Variants in SUSD4 observed in about 807,000 individuals in gnomAD.
SUSD4 encodes the protein sushi domain-containing protein 4.
In SUSD4, 41 loss-of-function variants were observed where a neutral mutation model predicts 50.5. The observed-to-expected ratio is 0.81, with a 90% CI of 0.63 to 1.05. The LOEUF (loss-of-function observed/expected upper bound fraction) is 1.05. SUSD4 is among the 50% of genes least tolerant of loss of function. The pLI is 0.00. For missense variants in SUSD4, 580 were observed against 634.7 expected, an observed-to-expected ratio of 0.91 and a Z score of 0.93; for synonymous variants, 257 against 257.3, an observed-to-expected ratio of 1.00 and a Z score of 0.01.
intron 5 of SUSD4, among the ~76,000 whole-genome samples, chr1:223,249,326 C>T (rs1661149428): frequency 6.6e-6 from 1 of 152,186 alleles, no homozygotes; most frequent in South Asian, 2.1e-4. Context: ...TCATTTCTGA[C>T]CCTCTCTGCA....
In SUSD4 at chr1:223,222,116, CCTT is replaced by C; in HGVS notation, c.*73_*75del. The C allele has an allele frequency of 6.6e-7, 1 of 1,518,230 alleles. No individual in the cohort carries two copies. Among genetic ancestry groups the C allele is most frequent in the Middle Eastern group, 1.7e-4 (1 of 5,802 alleles). The allele number at this position is 1,518,230 out of a possible 1,614,324, so 94.0% of individuals were successfully genotyped here. ...TAGACATTTTGCCCCCAGGCTCTAT[CCTT>C]CTGTGACCTCACTCCAAGATACAAG... On this transcript the variant is annotated 3_prime_UTR_variant, in exon 9 of 9. Transcript: ENST00000366878.
At position 223,264,660 on chromosome 1, in the gene SUSD4, A is replaced by G. The variant is rs1662357317; in HGVS notation, c.694T>C (p.Ser232Pro). ...AGAGCAAGGCACCGGGGTGGGCTGG[A>G]CGACCAGATAAGGTTTTGTAAGCAC... The part of the protein sequence containing the change: ...LECLQNLIWS[S>P]SPPRCLALEV... The change falls in exon 5 of 9, where the codon TCC becomes CCC. Residue 232 changes from serine (S) to proline (P), a missense_variant. Ser to Pro is a moderately conservative substitution (Grantham distance 74). Transcript: ENST00000366878. 1 of 1,614,212 alleles carries G rather than the reference A, an allele frequency of 6.2e-7. No homozygotes were observed. Among genetic ancestry groups the G allele is most frequent in the Non-Finnish European group, 8.5e-7 (1 of 1,180,038 alleles).
chr1:223,234,888 A>G, intron 5 of SUSD4: 2 of 1,506,298 alleles, frequency 1.3e-6, no homozygotes, highest in Non-Finnish European at 1.8e-6. Flanking sequence ...ATCATGGTGA[A>G]ATACAGTATA....
At position 223,229,754 on chromosome 1, in the gene SUSD4, AC is replaced by A. The variant is rs1304172148; in HGVS notation, c.725-367del. Among the ~76,000 whole-genome samples, 1 of 152,260 alleles carries A rather than the reference AC, an allele frequency of 6.6e-6. No individual in the cohort carries two copies. The highest frequency in any genetic ancestry group is 6.5e-5 in the Admixed American group (1 of 15,288). On this transcript the variant is annotated intron_variant, in intron 5 of 8. Transcript: ENST00000366878. The surrounding 1 kb of genome is among the most constrained non-coding windows in gnomAD (Gnocchi z 4.7). Reference sequence around the variant, plus strand: ...GTAAATAAAATTAACATATTTCTGTACAAAATCTTTACTGAAAGGCATAGTT... The same window carrying A: ...GTAAATAAAATTAACATATTTCTGTAAAAATCTTTACTGAAAGGCATAGTT...
In SUSD4 at chr1:223,229,120, T is replaced by C; in HGVS notation, c.916+77A>G. 1 of 1,427,998 alleles carries C rather than the reference T, an allele frequency of 7.0e-7. No individual in the cohort carries two copies. Among genetic ancestry groups the C allele is most frequent in the Non-Finnish European group, 9.6e-7 (1 of 1,041,576 alleles). The allele number at this position is 1,427,998 out of a possible 1,614,324, so 88.5% of individuals were successfully genotyped here. A position where few individuals can be genotyped will look rare whatever the true frequency, so the allele number is the denominator to read the frequency against. On this transcript the variant is annotated intron_variant, in intron 6 of 8. Coordinates refer to ENST00000366878, the MANE Select transcript of SUSD4 (RefSeq NM_017982.4). The surrounding 1 kb of genome is among the most constrained non-coding windows in gnomAD (Gnocchi z 4.7). ...GTGGGGGAGGAGAGATACAGCTTGG[T>C]ACATAACCACCACCCACTATGTGCA... is the stretch of plus-strand genomic sequence containing the variant.
chr1:223,245,484 C>T (rs548182042), intron 5 of SUSD4, among the ~76,000 whole-genome samples: 3 of 151,808 alleles, frequency 2.0e-5, no homozygotes, highest in Admixed American at 1.3e-4. Context: ...GAAGAGAGGC[C>T]GATGGTGGCT....
rs533197169 is a variant in SUSD4, at chr1:223,264,473, T to C, written c.724+157A>G. ...TTTACATCTAATTGTAAATATGGCT[T>C]CACGGCAGCTGATCTCTGCTCTGGA... On this transcript the variant is annotated intron_variant, in intron 5 of 8. Transcript: ENST00000366878. 57 of 1,371,044 alleles carry C rather than the reference T, an allele frequency of 4.2e-5. 1 individual carries two copies. In the Admixed American group the frequency reaches 6.6e-4, roughly 16 times the overall value. The allele number at this position is 1,371,044 out of a possible 1,614,324, so 84.9% of individuals were successfully genotyped here.
intron 2 of SUSD4, among the ~76,000 whole-genome samples, chr1:223,355,407 C>T (rs1483644383): frequency 1.3e-5 from 2 of 151,678 alleles, no homozygotes; most frequent in African/African-American, 2.4e-5. Flanking sequence ...TTGGTAGAGA[C>T]GGGGTTTTTG....
chr1:223,256,055 G>A (rs1461763181), intron 5 of SUSD4, among the ~76,000 whole-genome samples: 2 of 152,240 alleles, frequency 1.3e-5, no homozygotes, highest in African/African-American at 2.4e-5. Flanking sequence ...TGCCTGGGAA[G>A]GAGGGAGGAA....
chr1:223,253,837 G>A (rs1319769580), intron 5 of SUSD4, among the ~76,000 whole-genome samples: 1 of 152,198 alleles, frequency 6.6e-6, no homozygotes, highest in Non-Finnish European at 1.5e-5. Flanking sequence ...TCTATTTTCT[G>A]AGCATAATGA....
chr1:223,256,922 C>T lies in SUSD4; in HGVS notation c.724+7708G>A, dbSNP rs1661734694. 2.6e-5 allele frequency among the ~76,000 whole-genome samples: 4 copies of T among 152,302 alleles called. No homozygotes were observed. In the South Asian group the frequency reaches 8.3e-4, roughly 32 times the overall value. Reference sequence around the variant, plus strand: ...TGACCTTGGGGAAGGAGCACCGGAGCTGTCTGAACCTCAGTTTCCTCATCT... The same window carrying T: ...TGACCTTGGGGAAGGAGCACCGGAGTTGTCTGAACCTCAGTTTCCTCATCT... On this transcript the variant is annotated intron_variant, in intron 5 of 8. Coordinates refer to ENST00000366878, the MANE Select transcript of SUSD4 (RefSeq NM_017982.4).
intron 7 of SUSD4, among the ~76,000 whole-genome samples, chr1:223,224,719 C>A (rs851146): frequency 0.065 from 9,821 of 152,138 alleles, 777 homozygotes; most frequent in African/African-American, 0.19. Flanking sequence ...GCTTCTCAGC[C>A]CTCTGCACAT....
intron 4 of SUSD4, among the ~76,000 whole-genome samples, 182 bp downstream of exon 4, chr1:223,268,320 G>C (rs771772025): frequency 6.6e-6 from 1 of 152,004 alleles, no homozygotes; most frequent in Non-Finnish European, 1.5e-5. Flanking sequence ...AGTGGTGATG[G>C]AGAGTCCAAA....
At chr1:223,317,611 T>C (rs1359954590) in intron 2 of SUSD4, among the ~76,000 whole-genome samples, 1 of 152,172 alleles carries the variant, frequency 6.6e-6, no homozygotes, top group Non-Finnish European at 1.5e-5. Flanking sequence ...AAGTACTTTG[T>C]TTTGAAATTG....
At chr1:223,281,741 G>A (rs1663749538) in intron 3 of SUSD4, among the ~76,000 whole-genome samples, 1 of 152,078 alleles carries the variant, frequency 6.6e-6, no homozygotes, top group Admixed American at 6.5e-5. Flanking sequence ...CATTTTATGA[G>A]GCCAGCATCA....
intron 2 of SUSD4, among the ~76,000 whole-genome samples, chr1:223,334,705 T>C (rs1280202617): frequency 2.0e-5 from 3 of 152,190 alleles, no homozygotes; most frequent in African/African-American, 7.2e-5. Context: ...AAATTTTTTA[T>C]TTCCGTAGGT....
At chr1:223,351,904 G>C (rs1668389043) in intron 2 of SUSD4, among the ~76,000 whole-genome samples, 1 of 151,646 alleles carries the variant, frequency 6.6e-6, no homozygotes, top group African/African-American at 2.4e-5. Context: ...CGTTAGCTTA[G>C]GCTACATCAC....
intron 5 of SUSD4, among the ~76,000 whole-genome samples, chr1:223,239,428 A>G (rs574184930): frequency 8.6e-5 from 13 of 151,874 alleles, no homozygotes; most frequent in Admixed American, 4.6e-4. Context: ...GTTATCTTCC[A>G]CTTTTTCATC....
chr1:223,330,837 G>A (rs180762675), intron 2 of SUSD4, among the ~76,000 whole-genome samples: 37 of 152,264 alleles, frequency 2.4e-4, no homozygotes, highest in African/African-American at 8.2e-4. Flanking sequence ...CTCATGGTGG[G>A]ACAGCCCCAT....
Sources: allele counts gnomAD v4.1 joint callset (sites outside exome capture counted in the v4.1 genomes callset), GRCh38; gene constraint gnomAD v4.1.1; non-coding constraint Gnocchi (gnomAD v3.1); transcripts MANE v1.5; gene names NCBI Gene and HGNC (gene_info 2026-07-23, HGNC 2026-07-21).